The following DNAJC3 variants were observed in gnomAD, a reference collection of about 807,000 sequenced individuals.
DNAJC3 encodes the protein dnaJ homolog subfamily C member 3.
Under a neutral mutation model 68.6 loss-of-function variants are expected in DNAJC3, and 38 were observed. The ratio of observed to expected loss-of-function variants is 0.55; its 90% CI spans 0.43 to 0.73. DNAJC3 has a LOEUF of 0.73. DNAJC3 is among the 30% of genes least tolerant of loss of function. The probability of loss-of-function intolerance (pLI) is 0.00; values close to 1 mark genes in which losing one functional copy is unlikely to be tolerated. For synonymous variants in DNAJC3, 203 were observed against 204.0 expected (o/e 1.00, Z 0.04); for missense variants, 526 against 591.9 (o/e 0.89, Z 1.16).
At chr13:95,779,273 G>A (rs527429692) in intron 9 of DNAJC3, among the ~76,000 whole-genome samples, 67 of 151,584 alleles carry the variant, frequency 4.4e-4, no homozygotes, top group South Asian at 8.3e-4. Flanking sequence ...ACAGGCGCCC[G>A]CCACCATACC....
intron 2 of DNAJC3, among the ~76,000 whole-genome samples, chr13:95,715,550 C>T (rs548202492): frequency 6.0e-5 from 9 of 149,064 alleles, no homozygotes; most frequent in African/African-American, 2.2e-4. Flanking sequence ...GGCGTGATCT[C>T]GGCTCACTGC....
intron 9 of DNAJC3, 35 bp downstream of exon 9, chr13:95,763,988 G>T: frequency 6.2e-7 from 1 of 1,602,016 alleles, no homozygotes; most frequent in Non-Finnish European, 8.5e-7. Context: ...CAGTACCGAA[G>T]TGTTGATTAG....
At chr13:95,774,448 C>T (rs1883244718) in intron 9 of DNAJC3, among the ~76,000 whole-genome samples, 1 of 151,998 alleles carries the variant, frequency 6.6e-6, no homozygotes, top group Admixed American at 6.6e-5. Context: ...TTTTGTGGTC[C>T]AGCATGGTAT....
intron 9 of DNAJC3, among the ~76,000 whole-genome samples, chr13:95,769,936 C>G (rs1883114051): frequency 6.6e-6 from 1 of 152,190 alleles, no homozygotes; most frequent in Non-Finnish European, 1.5e-5. Context: ...TTACAATAGT[C>G]AAGCAGTATT....
chr13:95,729,543 T>C (rs942825606), intron 4 of DNAJC3, among the ~76,000 whole-genome samples: 1 of 152,090 alleles, frequency 6.6e-6, no homozygotes, highest in African/African-American at 2.4e-5. Flanking sequence ...CTGATTTTGA[T>C]TGTATAGTAG....
chr13:95,729,201 CTT>C (rs200094434), intron 4 of DNAJC3, among the ~76,000 whole-genome samples: 3 of 131,682 alleles, frequency 2.3e-5, no homozygotes, highest in Non-Finnish European at 3.4e-5. Flanking sequence ...CTCTCTCTCT[CTT>C]TCTCTCTCTC....
rs185291734 is a variant in DNAJC3 at position 95,725,167 on chromosome 13, T to A, written c.319-11T>A. Reference sequence around the variant, plus strand: ...ATATTCAAGATAATCCTCTGCCCCCTTTTTTTCTAGGCAAGATTACAGAGA... The same window carrying A: ...ATATTCAAGATAATCCTCTGCCCCCATTTTTTCTAGGCAAGATTACAGAGA... On this transcript the variant is annotated splice_polypyrimidine_tract_variant and intron_variant, in intron 3 of 11. Coordinates refer to ENST00000602402, the MANE Select transcript of DNAJC3 (RefSeq NM_006260.5). 1.6e-5 allele frequency: 25 copies of A among 1,538,064 alleles called. No homozygotes were observed. The East Asian group carries it at 5.6e-4, about 35-fold the overall frequency.
intron 4 of DNAJC3, among the ~76,000 whole-genome samples, chr13:95,725,508 A>C (rs977853117): frequency 2.0e-5 from 3 of 152,162 alleles, no homozygotes; most frequent in Non-Finnish European, 4.4e-5. Flanking sequence ...AACTCAGTTT[A>C]TACAGCTTGC....
intron 1 of DNAJC3, among the ~76,000 whole-genome samples, chr13:95,702,155 T>C (rs891540035): frequency 6.6e-6 from 1 of 152,226 alleles, no homozygotes; most frequent in Admixed American, 6.5e-5. Context: ...TTTAAGTGTG[T>C]ATTTGCTGAG....
rs1382125668 is a variant in DNAJC3, at chr13:95,794,377, C to CTGG, written c.*3350_*3352dup. The CTGG allele has an allele frequency of 4.6e-5, 7 of 152,200 alleles. No homozygotes were observed. The highest frequency in any genetic ancestry group is 8.8e-5 in the Non-Finnish European group (6 of 68,038). 9.4% of individuals were successfully genotyped at this position (152,200 alleles called of 1,614,324 possible). A position where few individuals can be genotyped will look rare whatever the true frequency, so the allele number is the denominator to read the frequency against. On this transcript the variant is annotated 3_prime_UTR_variant, in exon 12 of 12. Coordinates refer to ENST00000602402, the MANE Select transcript of DNAJC3 (RefSeq NM_006260.5). ...CCCTGGTGAGGTTACAGACACGGCC[C>CTGG]TGGTGATGGGCGTTGCAAAGTTTTC...
intron 1 of DNAJC3, among the ~76,000 whole-genome samples, chr13:95,705,004 A>T (rs1178139877): frequency 1.3e-5 from 2 of 151,982 alleles, no homozygotes; most frequent in South Asian, 4.2e-4. Context: ...GGCATGCACC[A>T]CCACATCCAG....
chr13:95,720,133 A>T (rs1881276779), intron 2 of DNAJC3, among the ~76,000 whole-genome samples: 1 of 152,064 alleles, frequency 6.6e-6, no homozygotes, highest in Non-Finnish European at 1.5e-5. Flanking sequence ...GCAGTAAGGG[A>T]TATGTATTAT....
At chr13:95,783,054 A>G (rs9590325) in intron 9 of DNAJC3, among the ~76,000 whole-genome samples, 5,970 of 152,208 alleles carry the variant, frequency 0.039, 386 homozygotes, top group African/African-American at 0.14. Context: ...TTCCAACACC[A>G]TTTATTAAAT....
In DNAJC3 at chr13:95,791,653, A is replaced by C. The variant is rs1209169796; in HGVS notation, c.*623A>C. 1 of 152,324 alleles carries C rather than the reference A, an allele frequency of 6.6e-6. No homozygotes were observed. The highest frequency in any genetic ancestry group is 1.5e-5 in the Non-Finnish European group (1 of 68,162). 9.4% of individuals were successfully genotyped at this position (152,324 alleles called of 1,614,324 possible). A position where few individuals can be genotyped will look rare whatever the true frequency, so the allele number is the denominator to read the frequency against. Reference sequence around the variant, plus strand: ...CAAATAATAATATATCCAGGCTTAGACTTTGGATTAATGTTAAATGTACAT... The same window carrying C: ...CAAATAATAATATATCCAGGCTTAGCCTTTGGATTAATGTTAAATGTACAT... On this transcript the variant is annotated 3_prime_UTR_variant, in exon 12 of 12. Coordinates refer to ENST00000602402, the MANE Select transcript of DNAJC3 (RefSeq NM_006260.5).
At chr13:95,698,983 A>G (rs1268947509) in intron 1 of DNAJC3, among the ~76,000 whole-genome samples, 1 of 152,182 alleles carries the variant, frequency 6.6e-6, no homozygotes, top group African/African-American at 2.4e-5. Flanking sequence ...TTTTTAGTAT[A>G]AGTGCATTTT....
intron 9 of DNAJC3, among the ~76,000 whole-genome samples, chr13:95,774,821 G>A (rs557828590): frequency 6.6e-5 from 10 of 152,250 alleles, no homozygotes; most frequent in Admixed American, 5.9e-4. Context: ...TTTGCATGGT[G>A]TGTCTGTCTT....
intron 2 of DNAJC3, among the ~76,000 whole-genome samples, chr13:95,720,005 GT>G (rs1004299543): frequency 3.3e-5 from 5 of 149,928 alleles, no homozygotes; most frequent in Admixed American, 6.7e-5. Context: ...TACAGACACA[GT>G]TTTTTTTTTC....
intron 11 of DNAJC3, among the ~76,000 whole-genome samples, chr13:95,787,596 G>GC (rs1202758393): frequency 6.6e-6 from 1 of 152,094 alleles, no homozygotes; most frequent in East Asian, 1.9e-4. Flanking sequence ...CCTAGGGCCT[G>GC]CTTTGCCCCA....
chr13:95,718,075 G>A (rs993064555), intron 2 of DNAJC3, among the ~76,000 whole-genome samples: 2 of 152,176 alleles, frequency 1.3e-5, no homozygotes, highest in Non-Finnish European at 2.9e-5. Context: ...CATCTCCCAT[G>A]TTCAAGTTTC....
Sources: allele counts gnomAD v4.1 joint callset (sites outside exome capture counted in the v4.1 genomes callset), GRCh38; gene constraint gnomAD v4.1.1; transcripts MANE v1.5; gene names NCBI Gene and HGNC (gene_info 2026-07-23, HGNC 2026-07-21).